TDP1: variants seen among roughly 807,000 people sequenced by gnomAD.
The protein encoded by TDP1 is tyrosyl-DNA phosphodiesterase 1, also known as tyr-DNA phosphodiesterase 1.
A neutral mutation model predicts 81.5 loss-of-function variants in TDP1; 64 were observed. The observed-to-expected ratio is 0.79, with a 90% confidence interval of 0.64 to 0.97. TDP1 has a LOEUF of 0.97. Among genes scored for constraint, TDP1 ranks in the 50% least tolerant of loss-of-function variants. The pLI is 0.00. For synonymous variants in TDP1, 256 were observed against 264.3 expected, an observed-to-expected ratio of 0.97 and a Z score of 0.30; for missense variants, 723 against 743.8, an observed-to-expected ratio of 0.97 and a Z score of 0.33.
At chr14:90,003,138 G>A (rs1176697384) in intron 14 of TDP1, among the ~76,000 whole-genome samples, 1 of 152,038 alleles carries the variant, frequency 6.6e-6, no homozygotes, top group East Asian at 1.9e-4. Flanking sequence ...AGGTTTCACG[G>A]TATTGGCCAG....
intron 2 of TDP1, chr14:89,958,482 G>C (rs1201266553): frequency 1.3e-5 from 2 of 152,308 alleles, no homozygotes; most frequent in East Asian, 1.9e-4. Flanking sequence ...AAGGTGGGCA[G>C]TTCGCTGGTG....
rs1189395656 is a variant in TDP1, at chr14:89,966,921, C to G, written c.604-446C>G. 4.3e-6 allele frequency: 4 copies of G among 931,342 alleles called. No homozygotes were observed. In the African/African-American group the frequency reaches 7.1e-5, roughly 17 times the overall value. 57.7% of individuals were successfully genotyped at this position (931,342 alleles called of 1,614,324 possible). A position where few individuals can be genotyped will look rare whatever the true frequency, so the allele number is the denominator to read the frequency against. ...ATGTCTGGTCCCAGGTGGCTGTGTA[C>G]AAAGCTAGCTAATAAGTTAGCCTGA... On this transcript the variant is annotated intron_variant, in intron 4 of 16. Coordinates refer to ENST00000335725, the MANE Select transcript of TDP1 (RefSeq NM_018319.4).
chr14:89,982,541 C>A (rs1423822913), intron 8 of TDP1, among the ~76,000 whole-genome samples: 1 of 152,156 alleles, frequency 6.6e-6, no homozygotes, highest in Non-Finnish European at 1.5e-5. Context: ...GGGCCTCCAG[C>A]TCCTTCTGAA....
chr14:90,034,386 G>T (rs544073985), intron 16 of TDP1, among the ~76,000 whole-genome samples: 3 of 152,338 alleles, frequency 2.0e-5, no homozygotes, highest in African/African-American at 7.2e-5. Context: ...AAAACTGCAT[G>T]CATTGAGTCT....
intron 15 of TDP1, among the ~76,000 whole-genome samples, chr14:90,026,706 G>T (rs1886699688): frequency 6.6e-6 from 1 of 152,020 alleles, no homozygotes; most frequent in Admixed American, 6.6e-5. Context: ...GAGAACATGT[G>T]GTGTTTGGTT....
intron 6 of TDP1, among the ~76,000 whole-genome samples, chr14:89,974,864 T>G (rs970679036): frequency 6.6e-6 from 1 of 152,228 alleles, no homozygotes; most frequent in Admixed American, 6.5e-5. Context: ...CTGCATCTTG[T>G]GACATATTCT....
chr14:89,965,041 TC>T (rs908201612), intron 3 of TDP1: 1 of 179,898 alleles, frequency 5.6e-6, no homozygotes, highest in Non-Finnish European at 1.2e-5. Context: ...AAGGGGGACT[TC>T]AAAAGGCCTT....
chr14:89,963,291 A>G lies in TDP1; in HGVS notation c.177A>G (p.Lys59=), dbSNP rs139165747. 4 of 1,614,084 alleles carry G rather than the reference A, an allele frequency of 2.5e-6. No individual in the cohort carries two copies. The highest frequency in any genetic ancestry group is 3.4e-6 in the Non-Finnish European group (4 of 1,180,038). Residue 59 remains lysine, a synonymous_variant, in exon 3 of 17, where the codon AAA becomes AAG. Coordinates refer to ENST00000335725, the MANE Select transcript of TDP1 (RefSeq NM_018319.4). Reference sequence around the variant, plus strand: ...CCCAGAAAGCTGCACACAAGAGGAAAATATCACCTGTGAAATTCAGCAATA... The same window carrying G: ...CCCAGAAAGCTGCACACAAGAGGAAGATATCACCTGTGAAATTCAGCAATA... The part of the protein sequence containing the change: ...SEAQKAAHKR[K]ISPVKFSNTD...
chr14:89,975,949 G>A, intron 7 of TDP1, 134 bp downstream of exon 7: 1 of 767,520 alleles, frequency 1.3e-6, no homozygotes, highest in Middle Eastern at 2.3e-4. Context: ...GAGCCTGGGG[G>A]AGCTATTCTT....
chr14:89,963,289 A>G lies in TDP1; in HGVS notation c.175A>G (p.Lys59Glu). ...GGCCCAGAAAGCTGCACACAAGAGG[A>G]AAATATCACCTGTGAAATTCAGCAA... ...SEAQKAAHKR[K>E]ISPVKFSNTD... Residue 59 changes from lysine to glutamate, a missense_variant, in exon 3 of 17, where the codon AAA (lysine) becomes GAA (glutamate). Transcript: ENST00000335725. 5.0e-6 allele frequency: 8 copies of G among 1,614,200 alleles called. No homozygotes were observed. The highest frequency in any genetic ancestry group is 6.8e-6 in the Non-Finnish European group (8 of 1,180,024).
At chr14:89,999,016 T>A (rs1485906943) in intron 14 of TDP1, among the ~76,000 whole-genome samples, 3 of 152,196 alleles carry the variant, frequency 2.0e-5, no homozygotes, top group Non-Finnish European at 4.4e-5. Context: ...TCCATGAGAT[T>A]TTCTAGAATA....
At chr14:90,032,649 T>G (rs1027117908) in intron 15 of TDP1, 19 of 732,564 alleles carry the variant, frequency 2.6e-5, no homozygotes, top group Non-Finnish European at 3.2e-5. Context: ...TTTATACTTC[T>G]GTCACATTAT....
intron 11 of TDP1, 53 bp from the exon 12 acceptor site, chr14:89,989,664 C>G: frequency 7.1e-7 from 1 of 1,408,348 alleles, no homozygotes. Context: ...ATTATCATTC[C>G]TTTTCTTCAA....
At chr14:89,973,900 C>CA (rs1377131909) in intron 6 of TDP1, among the ~76,000 whole-genome samples, 1 of 152,126 alleles carries the variant, frequency 6.6e-6, no homozygotes, top group Non-Finnish European at 1.5e-5. Flanking sequence ...GCCACGTTCT[C>CA]ACGGTGTCCT....
At chr14:89,964,929 C>G (rs1892765496) in intron 3 of TDP1, 2 of 412,210 alleles carry the variant, frequency 4.9e-6, no homozygotes, top group Non-Finnish European at 9.5e-6. Flanking sequence ...TGCCCAAGGT[C>G]GTAGAGCTGG....
chr14:90,035,454 C>T (rs551197641), intron 16 of TDP1, among the ~76,000 whole-genome samples: 1 of 150,020 alleles, frequency 6.7e-6, no homozygotes, highest in East Asian at 1.9e-4. Context: ...AGGATCTTAC[C>T]TGCCACCAAA....
intron 8 of TDP1, among the ~76,000 whole-genome samples, chr14:89,982,045 C>G (rs1895034838): frequency 6.6e-6 from 1 of 152,086 alleles, no homozygotes; most frequent in African/African-American, 2.4e-5. Flanking sequence ...CTGCGCAGGA[C>G]AAATGTAATC....
At chr14:90,006,501 C>T (rs750422218) in intron 14 of TDP1, among the ~76,000 whole-genome samples, 21 of 151,846 alleles carry the variant, frequency 1.4e-4, no homozygotes, top group Non-Finnish European at 2.2e-4. Context: ...TTCTCAGCCT[C>T]CCCAAGTAGC....
chr14:90,021,834 A>G (rs529248250), intron 15 of TDP1, among the ~76,000 whole-genome samples: 13 of 152,358 alleles, frequency 8.5e-5, no homozygotes, highest in African/African-American at 1.7e-4. Flanking sequence ...TGACGATGTA[A>G]TTAACAGTCT....
Sources: allele counts gnomAD v4.1 joint callset (sites outside exome capture counted in the v4.1 genomes callset), GRCh38; gene constraint gnomAD v4.1.1; transcripts MANE v1.5; gene names NCBI Gene and HGNC (gene_info 2026-07-23, HGNC 2026-07-21).